The following BRINP3 variants were observed in gnomAD, a reference collection of about 807,000 sequenced individuals.
BRINP3 encodes BMP/retinoic acid inducible neural specific 3.
Under a neutral mutation model 71.0 loss-of-function variants are expected in BRINP3, and 19 were observed. The ratio of observed to expected loss-of-function variants is 0.27; its 90% confidence interval spans 0.19 to 0.39. The LOEUF is 0.39. Ranked by LOEUF, BRINP3 falls within the 10% of genes least tolerant of loss-of-function variation. The pLI, the probability that BRINP3 is intolerant of heterozygous loss-of-function variation, is 1.00. For missense variants in BRINP3, 959 were observed against 940.8 expected (o/e 1.02, Z -0.25); for synonymous variants, 380 against 337.7 (o/e 1.13, Z -1.37).
chr1:190,137,786 T>A (rs555893168), intron 7 of BRINP3, among the ~76,000 whole-genome samples: 35 of 152,220 alleles, frequency 2.3e-4, no homozygotes, highest in African/African-American at 7.5e-4. Context: ...AAGAGGAAAC[T>A]AAAAGAGAAT....
At chr1:190,451,840 GTGA>G (rs1468656312) in intron 2 of BRINP3, among the ~76,000 whole-genome samples, 1 of 152,140 alleles carries the variant, frequency 6.6e-6, no homozygotes, top group Non-Finnish European at 1.5e-5. Flanking sequence ...TATATTTGGA[GTGA>G]AAATAAAAAT....
intron 1 of BRINP3, among the ~76,000 whole-genome samples, chr1:190,460,654 A>C (rs1397756172): frequency 6.6e-6 from 1 of 152,194 alleles, no homozygotes; most frequent in Non-Finnish European, 1.5e-5. Context: ...TTACCGGTTT[A>C]GGAAGGCCAT....
At chr1:190,233,190 A>G (rs1658169076) in intron 5 of BRINP3, among the ~76,000 whole-genome samples, 1 of 151,912 alleles carries the variant, frequency 6.6e-6, no homozygotes, top group Admixed American at 6.6e-5. Flanking sequence ...GCAGTGTCGC[A>G]TGGACAGTGA....
chr1:190,197,615 A>T lies in BRINP3; in HGVS notation c.961+28467T>A, dbSNP rs570519247. Among the ~76,000 whole-genome samples, 8 of 152,326 alleles carry T rather than the reference A, an allele frequency of 5.3e-5. No homozygotes were observed. In the South Asian group the frequency reaches 1.2e-3, roughly 24 times the overall value. Reference sequence around the variant, plus strand: ...GAGGGCAGTCAAAACATACAGCTCCAAAATGATCTCTTTTGGCTCCATGTC... The same window carrying T: ...GAGGGCAGTCAAAACATACAGCTCCTAAATGATCTCTTTTGGCTCCATGTC... On this transcript the variant is annotated intron_variant, in intron 6 of 7. Coordinates refer to ENST00000367462, the MANE Select transcript of BRINP3 (RefSeq NM_199051.3).
intron 2 of BRINP3, among the ~76,000 whole-genome samples, chr1:190,450,582 T>C (rs1368691972): frequency 6.6e-6 from 1 of 152,122 alleles, no homozygotes; most frequent in African/African-American, 2.4e-5. Flanking sequence ...TCTTTATCAG[T>C]AAATACTTGT....
At position 190,345,167 on chromosome 1, in the gene BRINP3, G is replaced by C. The variant is rs535283728; in HGVS notation, c.237-63417C>G. Reference sequence around the variant, plus strand: ...AAAGTTGTAAACATTGAGACTCATTGGTCTGAAAATGACCTCAATAAGTCT... The same window carrying C: ...AAAGTTGTAAACATTGAGACTCATTCGTCTGAAAATGACCTCAATAAGTCT... On this transcript the variant is annotated intron_variant, in intron 2 of 7. Coordinates refer to ENST00000367462, the MANE Select transcript of BRINP3 (RefSeq NM_199051.3). Among the ~76,000 whole-genome samples, 4 of 151,776 alleles carry C rather than the reference G, an allele frequency of 2.6e-5. No homozygotes were observed. The South Asian group carries it at 8.3e-4, about 32-fold the overall frequency.
intron 2 of BRINP3, among the ~76,000 whole-genome samples, chr1:190,439,296 C>T (rs1572045854): frequency 6.6e-6 from 1 of 151,844 alleles, no homozygotes; most frequent in South Asian, 2.1e-4. Context: ...AGTATTTCAA[C>T]TGAAACTGGG....
At chr1:190,364,349 TCTA>T (rs1357013863) in intron 2 of BRINP3, among the ~76,000 whole-genome samples, 1 of 152,126 alleles carries the variant, frequency 6.6e-6, no homozygotes, top group African/African-American at 2.4e-5. Flanking sequence ...TGTGGTCTTA[TCTA>T]AATGTTCTGA....
intron 4 of BRINP3, among the ~76,000 whole-genome samples, chr1:190,244,949 A>T (rs1659446118): frequency 6.6e-6 from 1 of 152,046 alleles, no homozygotes; most frequent in African/African-American, 2.4e-5. Flanking sequence ...TAAAACTTAA[A>T]ACTTTTTATT....
chr1:190,255,412 C>G (rs763327370), intron 4 of BRINP3, among the ~76,000 whole-genome samples: 12 of 152,002 alleles, frequency 7.9e-5, no homozygotes, highest in Admixed American at 3.3e-4. Context: ...CCATCTGGTC[C>G]TCGACTGTTT....
chr1:190,355,402 A>G (rs941728180), intron 2 of BRINP3, among the ~76,000 whole-genome samples: 1 of 151,898 alleles, frequency 6.6e-6, no homozygotes, highest in Admixed American at 6.6e-5. Flanking sequence ...TTCTTTATAT[A>G]GATTATATTT....
intron 3 of BRINP3, among the ~76,000 whole-genome samples, chr1:190,265,493 A>C (rs1195149965): frequency 1.3e-5 from 2 of 151,236 alleles, no homozygotes; most frequent in Non-Finnish European, 2.9e-5. Context: ...TGAGGGCAGG[A>C]GATCGAGACT....
intron 4 of BRINP3, among the ~76,000 whole-genome samples, chr1:190,247,273 G>A (rs937288458): frequency 2.0e-5 from 3 of 151,826 alleles, no homozygotes; most frequent in Admixed American, 1.3e-4. Flanking sequence ...AGATATAAAC[G>A]TTAAAATAAT....
At chr1:190,265,206 A>C (rs1246590334) in intron 3 of BRINP3, 151 bp from the exon 4 acceptor site, 9 of 667,650 alleles carry the variant, frequency 1.3e-5, no homozygotes, top group Non-Finnish European at 2.1e-5. Flanking sequence ...TTGGTCACAG[A>C]TATTTCTCAA....
chr1:190,126,958 AC>A (rs1654135088), intron 7 of BRINP3, among the ~76,000 whole-genome samples: 1 of 151,840 alleles, frequency 6.6e-6, no homozygotes, highest in African/African-American at 2.4e-5. Flanking sequence ...TACTCATGCA[AC>A]CATTAAAAGG....
chr1:190,139,752 G>A (rs565704792), intron 7 of BRINP3, among the ~76,000 whole-genome samples: 2 of 152,126 alleles, frequency 1.3e-5, no homozygotes, highest in East Asian at 1.9e-4. Context: ...TATAGCATAC[G>A]ACATAAATCT....
intron 2 of BRINP3, among the ~76,000 whole-genome samples, chr1:190,384,082 A>C (rs1422230014): frequency 1.3e-5 from 2 of 151,776 alleles, no homozygotes; most frequent in Non-Finnish European, 2.9e-5. Context: ...CTTTTGTCAT[A>C]TGGTTTCATA....
At chr1:190,373,948 T>C (rs897491721) in intron 2 of BRINP3, among the ~76,000 whole-genome samples, 1 of 151,152 alleles carries the variant, frequency 6.6e-6, no homozygotes, top group African/African-American at 2.4e-5. Context: ...TAGTGTAGCG[T>C]AGCCCAAGAA....
chr1:190,327,291 G>A (rs1666647321), intron 2 of BRINP3, among the ~76,000 whole-genome samples: 1 of 123,556 alleles, frequency 8.1e-6, no homozygotes, highest in Non-Finnish European at 1.6e-5. Context: ...CTCTGGCCTG[G>A]GCAACAGAGC....
Sources: allele counts gnomAD v4.1 joint callset (sites outside exome capture counted in the v4.1 genomes callset), GRCh38; gene constraint gnomAD v4.1.1; transcripts MANE v1.5; gene names NCBI Gene and HGNC (gene_info 2026-07-23, HGNC 2026-07-21).